IDH1: variants seen among roughly 807,000 people sequenced by gnomAD.
The protein encoded by IDH1 is isocitrate dehydrogenase [NADP] cytoplasmic.
IDH1 carries 33 observed loss-of-function variants against 46.1 expected under a neutral mutation model. The observed-to-expected ratio is 0.72, with a 90% CI of 0.54 to 0.96. IDH1 has a LOEUF of 0.96. Among genes scored for constraint, IDH1 ranks in the 40% least tolerant of loss-of-function variants. The pLI is 0.00. For missense variants in IDH1, 421 were observed against 515.7 expected, an observed-to-expected ratio of 0.82 and a Z score of 1.78; for synonymous variants, 144 against 172.8, an observed-to-expected ratio of 0.83 and a Z score of 1.31.
rs2124851757 is a variant in IDH1 at position 208,242,055 on chromosome 2, T to C, written c.789A>G (p.Gly263=). ...AGTTTTTACAGGCCCAGATGAAGCC[T>C]CCCTCTGATTTCATAGCTTGGGCCA... The part of the protein sequence containing the change: ...DMVAQAMKSE[G]GFIWACKNYD... The change falls in exon 7 of 10, where the codon GGA becomes GGG. Residue 263 remains glycine (G), a synonymous_variant. Coordinates refer to ENST00000345146, the MANE Select transcript of IDH1 (RefSeq NM_005896.4). 6.2e-7 allele frequency: 1 copy of C among 1,613,302 alleles called. No homozygotes were observed. The highest frequency in any genetic ancestry group is 1.1e-5 in the South Asian group (1 of 91,034).
chr2:208,250,260 T>C (rs1439412495), intron 3 of IDH1, among the ~76,000 whole-genome samples: 5 of 151,418 alleles, frequency 3.3e-5, no homozygotes, highest in African/African-American at 1.2e-4. Flanking sequence ...CCAGTTCACC[T>C]ACTGTCATGT....
chr2:208,243,306 G>T (rs1001166504), intron 6 of IDH1, 121 bp downstream of exon 6: 1 of 786,878 alleles, frequency 1.3e-6, no homozygotes, highest in Non-Finnish European at 2.1e-6. Flanking sequence ...TTATCTTTAA[G>T]AGACAGTGAT....
rs1687821608 is a variant in IDH1 at position 208,236,919 on chromosome 2, T to C, written c.*160A>G. 2 of 610,388 alleles carry C rather than the reference T, an allele frequency of 3.3e-6. No individual in the cohort carries two copies. The highest frequency in any genetic ancestry group is 5.8e-6 in the Non-Finnish European group (2 of 345,396). 37.8% of individuals were successfully genotyped at this position (610,388 alleles called of 1,614,324 possible). On this transcript the variant is annotated 3_prime_UTR_variant, in exon 10 of 10. Transcript: ENST00000345146. ...TCACAAAGGTGGCAATAACTGTATA[T>C]ATAAGAAAAAGGCTGTAAACTTATA...
chr2:208,238,185 G>A (rs959104705), intron 9 of IDH1, among the ~76,000 whole-genome samples: 3 of 151,626 alleles, frequency 2.0e-5, no homozygotes, highest in Non-Finnish European at 1.5e-5. Flanking sequence ...ACAGGTGCCC[G>A]CCACCACGCC....
chr2:208,239,988 C>G lies in IDH1; in HGVS notation c.866G>C (p.Gly289Ala), dbSNP rs1442458731. 1 of 1,614,062 alleles carries G rather than the reference C, an allele frequency of 6.2e-7. No homozygotes were observed. The highest frequency in any genetic ancestry group is 1.3e-5 in the African/African-American group (1 of 74,916). Residue 289 changes from glycine (G) to alanine (A), a missense_variant, in exon 8 of 10, where the codon GGC becomes GCC. Physicochemically the swap from Gly to Ala is moderately conservative, Grantham distance 60 (BLOSUM62 0). Transcript: ENST00000345146. Reference sequence around the variant, plus strand: ...ACAAACCAGCACGCTGGTCATCATGCCGAGAGAGCCATACCCTGTAAGTAG... The same window carrying G: ...ACAAACCAGCACGCTGGTCATCATGGCGAGAGAGCCATACCCTGTAAGTAG... ...DSVAQGYGSLGMMTSVLVCPD... is the reference protein window; with the variant it reads ...DSVAQGYGSLAMMTSVLVCPD...
intron 4 of IDH1, among the ~76,000 whole-genome samples, chr2:208,246,137 G>T (rs1163260658): frequency 6.6e-6 from 1 of 152,124 alleles, no homozygotes; most frequent in Non-Finnish European, 1.5e-5. Flanking sequence ...ATCATTCTGG[G>T]AGCAGCTACA....
At chr2:208,252,244 C>T (rs1688138846) in intron 2 of IDH1, among the ~76,000 whole-genome samples, 1 of 152,326 alleles carries the variant, frequency 6.6e-6, no homozygotes, top group South Asian at 2.1e-4. Context: ...GGGCTAAATA[C>T]AACAAAGTGA....
At position 208,239,935 on chromosome 2, in the gene IDH1, C is replaced by T. The variant is rs2124848986; in HGVS notation, c.919G>A (p.Ala307Thr). ...CPDGKTVEAE[A>T]AHGTVTRHYR... ...TGACGGGTTACAGTCCCGTGGGCAGCCTCTGCTTCTACTGTCTTGCCATCT... is the reference window on the plus strand; with the variant it reads ...TGACGGGTTACAGTCCCGTGGGCAGTCTCTGCTTCTACTGTCTTGCCATCT... The change falls in exon 8 of 10, where the codon GCT (alanine) becomes ACT (threonine). Residue 307 changes from alanine to threonine, a missense_variant. Transcript: ENST00000345146. 1 of 1,614,144 alleles carries T rather than the reference C, an allele frequency of 6.2e-7. No homozygotes were observed. The highest frequency in any genetic ancestry group is 8.5e-7 in the Non-Finnish European group (1 of 1,179,990).
At chr2:208,240,592 G>A (rs1305940811) in intron 7 of IDH1, among the ~76,000 whole-genome samples, 3 of 152,026 alleles carry the variant, frequency 2.0e-5, no homozygotes, top group Admixed American at 1.3e-4. Context: ...ACACAGGATC[G>A]GTTGGATCTA....
chr2:208,253,736 A>G (rs1393116364), intron 2 of IDH1, 150 bp downstream of exon 2: 5 of 152,242 alleles, frequency 3.3e-5, no homozygotes, highest in African/African-American at 7.2e-5. Context: ...ACTGTATTAA[A>G]AGAAACAAGG....
At chr2:208,243,962 A>G (rs879917426) in intron 5 of IDH1, among the ~76,000 whole-genome samples, 18 of 152,200 alleles carry the variant, frequency 1.2e-4, no homozygotes, top group Non-Finnish European at 2.5e-4. Flanking sequence ...TATGGTTTGG[A>G]TATTTGTCCC....
chr2:208,239,854 C>T lies in IDH1; in HGVS notation c.991+9G>A. On this transcript the variant is annotated intron_variant, in intron 8 of 9. Transcript: ENST00000345146. ...CTCTGGTGAGAAATCAATGTAAACA[C>T]CATCTTACCAATGGGATTGGTGGAC... is the stretch of plus-strand genomic sequence containing the variant. 6.2e-7 allele frequency: 1 copy of T among 1,614,086 alleles called. No individual in the cohort carries two copies. The highest frequency in any genetic ancestry group is 8.5e-7 in the Non-Finnish European group (1 of 1,179,942).
intron 9 of IDH1, among the ~76,000 whole-genome samples, chr2:208,238,392 C>T (rs1391304507): frequency 1.3e-5 from 2 of 152,082 alleles, no homozygotes; most frequent in Admixed American, 6.6e-5. Context: ...CAAGTATATC[C>T]CCATTATGGG....
intron 9 of IDH1, 106 bp from the exon 10 acceptor site, chr2:208,237,275 T>C (rs1687828714): frequency 1.4e-6 from 1 of 714,426 alleles, no homozygotes; most frequent in Non-Finnish European, 2.5e-6. Flanking sequence ...TATTTGTTTC[T>C]GGAAGAAAAC....
At chr2:208,251,064 CTT>C (rs1688113315) in intron 3 of IDH1, among the ~76,000 whole-genome samples, 2 of 152,086 alleles carry the variant, frequency 1.3e-5, no homozygotes, top group Non-Finnish European at 2.9e-5. Flanking sequence ...TAATTCTTGA[CTT>C]TTAGATGATA....
chr2:208,251,644 T>C, intron 2 of IDH1, 77 bp from the exon 3 acceptor site: 1 of 1,216,864 alleles, frequency 8.2e-7, no homozygotes, highest in South Asian at 1.3e-5. Context: ...GTAGTGTTTA[T>C]ATAAACAACG....
At chr2:208,240,071 G>C (rs1302571398) in intron 7 of IDH1, 68 bp from the exon 8 acceptor site, 3 of 1,524,242 alleles carry the variant, frequency 2.0e-6, no homozygotes, top group Admixed American at 3.4e-5. Context: ...TCAGAGATGA[G>C]AGCATAAATG....
Position 208,243,608 on chromosome 2 carries a change from T to C in IDH1, c.521-4A>G, listed in dbSNP as rs747514271. The stretch of plus-strand genomic sequence containing the variant: ...CCCATGGCAACACCACCACCTTCTG[T>C]AGAGGAGAAGCCAGTGAGAGGAAAA... On this transcript the variant is annotated splice_region_variant and splice_polypyrimidine_tract_variant and intron_variant, in intron 5 of 9. Transcript: ENST00000345146. 4.3e-6 allele frequency: 7 copies of C among 1,612,184 alleles called. No individual in the cohort carries two copies. The highest frequency in any genetic ancestry group is 1.7e-4 in the Middle Eastern group (1 of 6,054).
At position 208,246,697 on chromosome 2, in the gene IDH1, G is replaced by GGGAGGC. The variant is rs965812790; in HGVS notation, c.415-1279_415-1274dup. ...GGCATGCCTGTAATCCCAGCACTTT[G>GGGAGGC]GGAGGCGGAGGCGGAGGCGGGCGGA... On this transcript the variant is annotated intron_variant, in intron 4 of 9. Transcript: ENST00000345146. Among the ~76,000 whole-genome samples, 81 of 149,834 alleles carry GGGAGGC rather than the reference G, an allele frequency of 5.4e-4. 1 individual carries two copies. The South Asian group carries it at 0.016, about 29-fold the overall frequency.
Sources: allele counts gnomAD v4.1 joint callset (sites outside exome capture counted in the v4.1 genomes callset), GRCh38; gene constraint gnomAD v4.1.1; transcripts MANE v1.5; gene names NCBI Gene and HGNC (gene_info 2026-07-23, HGNC 2026-07-21).